Variants in CLIP2 observed in about 807,000 individuals in gnomAD.
CLIP2 encodes CAP-Gly domain containing linker protein 2.
A neutral mutation model predicts 111.7 loss-of-function variants in CLIP2; 41 were observed. The ratio of observed to expected loss-of-function variants is 0.37; its 90% CI spans 0.29 to 0.48. The LOEUF is 0.48. Among genes scored for constraint, CLIP2 ranks in the 20% least tolerant of loss-of-function variants. The probability of loss-of-function intolerance (pLI) is 0.99; values close to 1 mark genes in which losing one functional copy is unlikely to be tolerated. For synonymous variants in CLIP2, 660 were observed against 644.2 expected, an observed-to-expected ratio of 1.02 and a Z score of -0.37; for missense variants, 1,160 against 1,422.1, an observed-to-expected ratio of 0.82 and a Z score of 2.96.
chr7:74,292,421 C>G (rs1554725511), intron 1 of CLIP2, among the ~76,000 whole-genome samples: 2 of 152,210 alleles, frequency 1.3e-5, no homozygotes, highest in African/African-American at 4.8e-5. Context: ...GCATCTTGCT[C>G]TGTCGCCCAG....
At chr7:74,392,282 C>T (rs868928017) in intron 13 of CLIP2, among the ~76,000 whole-genome samples, 2 of 150,200 alleles carry the variant, frequency 1.3e-5, no homozygotes, top group Non-Finnish European at 3.0e-5. Flanking sequence ...ACCTAGGAGG[C>T]GGAGCTTGGA....
At chr7:74,314,567 A>G (rs1554728883) in intron 1 of CLIP2, among the ~76,000 whole-genome samples, 1 of 152,232 alleles carries the variant, frequency 6.6e-6, no homozygotes, top group African/African-American at 2.4e-5. Flanking sequence ...GGCTGGACAG[A>G]CAAGGGCATC....
rs1313174679 is a variant in CLIP2, at chr7:74,389,203, C to A, written c.2664C>A (p.Thr888=). ...AGCTGGAGACCGTGTCCCGGAAGAC[C>A]CATGACGCCTCGGGCCAGCTAGTCC... ...EAELETVSRK[T]HDASGQLVLI... Residue 888 remains threonine, a synonymous_variant, in exon 13 of 17, where the codon ACC becomes ACA. Transcript: ENST00000223398. 2 of 1,613,186 alleles carry A rather than the reference C, an allele frequency of 1.2e-6. No individual in the cohort carries two copies. The highest frequency in any genetic ancestry group is 1.7e-5 in the Admixed American group (1 of 59,872).
intron 9 of CLIP2, among the ~76,000 whole-genome samples, chr7:74,373,638 A>G (rs1790701113): frequency 1.3e-5 from 2 of 152,082 alleles, no homozygotes; most frequent in African/African-American, 2.4e-5. Flanking sequence ...ACGTCCTGTG[A>G]GACCCCCCAG....
At position 74,370,696 on chromosome 7, in the gene CLIP2, A is replaced by G. The variant is rs190744070; in HGVS notation, c.1381-2236A>G. Among the ~76,000 whole-genome samples, 342 of 150,858 alleles carry G rather than the reference A, an allele frequency of 2.3e-3. 3 individuals carry two copies. The highest frequency in any genetic ancestry group is 7.5e-3 in the African/African-American group (308 of 41,110). On this transcript the variant is annotated intron_variant, in intron 8 of 16. Transcript: ENST00000223398. ...GCTTTTCTCTTTCTGGAACACCACA[A>G]GCTGTGTCCTGCCTCTGAGCTTTTG...
chr7:74,323,649 A>G (rs1246920287), intron 2 of CLIP2, among the ~76,000 whole-genome samples: 7 of 151,408 alleles, frequency 4.6e-5, no homozygotes, highest in African/African-American at 1.7e-4. Flanking sequence ...CTGGTCTCCA[A>G]CTCCTGACTC....
chr7:74,353,253 CTTT>C (rs199943133), intron 3 of CLIP2, among the ~76,000 whole-genome samples: 20 of 142,744 alleles, frequency 1.4e-4, no homozygotes, highest in Non-Finnish European at 1.8e-4. Context: ...CACGAAAACC[CTTT>C]TTTTTTTTTT....
intron 15 of CLIP2, among the ~76,000 whole-genome samples, chr7:74,401,047 T>C (rs540968661): frequency 6.7e-6 from 1 of 150,270 alleles, no homozygotes; most frequent in African/African-American, 2.5e-5. Context: ...AAGGCATCTC[T>C]GTCCCGGGAA....
At chr7:74,400,100 A>G (rs1301375487) in intron 14 of CLIP2, among the ~76,000 whole-genome samples, 1 of 150,134 alleles carries the variant, frequency 6.7e-6, no homozygotes, top group Non-Finnish European at 1.5e-5. Context: ...CAGAGACCCA[A>G]GATCGCGCCA....
intron 1 of CLIP2, among the ~76,000 whole-genome samples, chr7:74,298,766 T>G (rs1477531376): frequency 6.6e-6 from 1 of 152,084 alleles, no homozygotes; most frequent in Non-Finnish European, 1.5e-5. Flanking sequence ...ACTCCTGACC[T>G]CAGGTGATTG....
intron 11 of CLIP2, among the ~76,000 whole-genome samples, chr7:74,383,404 T>C (rs543958387): frequency 2.0e-5 from 3 of 152,336 alleles, no homozygotes; most frequent in African/African-American, 7.2e-5. Context: ...GTTATTCTCT[T>C]CATGTGCCAA....
chr7:74,338,969 G>A lies in CLIP2; in HGVS notation c.643G>A (p.Gly215Ser), dbSNP rs782337934. The A allele has an allele frequency of 6.3e-7, 1 of 1,599,042 alleles. No individual in the cohort carries two copies. Among genetic ancestry groups the A allele is most frequent in the Admixed American group, 1.7e-5 (1 of 59,998 alleles). Reference sequence around the variant, plus strand: ...CTCAGACAGCGGCTCTGTGAAGCGGGGCGAAAAGGACCTGCGCCTGGGGGA... The same window carrying A: ...CTCAGACAGCGGCTCTGTGAAGCGGAGCGAAAAGGACCTGCGCCTGGGGGA... ...NLSDSGSVKRGEKDLRLGDRV... is the reference protein window; with the variant it reads ...NLSDSGSVKRSEKDLRLGDRV... Residue 215 changes from glycine to serine, a missense_variant, in exon 3 of 17, where the codon GGC becomes AGC. Gly to Ser is a moderately conservative substitution (Grantham distance 56). Transcript: ENST00000223398. The surrounding 1 kb of genome is among the most constrained non-coding windows in gnomAD (Gnocchi z 4.3).
chr7:74,290,129 C>T (rs1787972460), intron 1 of CLIP2, among the ~76,000 whole-genome samples: 1 of 152,218 alleles, frequency 6.6e-6, no homozygotes, highest in African/African-American at 2.4e-5. Context: ...CCGCAGGGCT[C>T]TCTGGGCTCA....
chr7:74,317,978 G>A (rs999581013), intron 2 of CLIP2, among the ~76,000 whole-genome samples: 1 of 152,066 alleles, frequency 6.6e-6, no homozygotes, highest in East Asian at 1.9e-4. Flanking sequence ...GATCACTGGA[G>A]GTCAAGAGTT....
In CLIP2 at chr7:74,389,192, TC is replaced by T. The variant is rs782474062; in HGVS notation, c.2656del (p.Arg886GlyfsTer10). The T allele has an allele frequency of 1.9e-6, 3 of 1,613,568 alleles. No homozygotes were observed. Among genetic ancestry groups the T allele is most frequent in the South Asian group, 2.2e-5 (2 of 91,042 alleles). ...RRLEAELETVSRKTHDASGQL... is the reference protein window; with the variant it reads ...RRLEAELETVXRKTHDASGQL... ...CCTGGAGGCAGAGCTGGAGACCGTG[TC>T]CCGGAAGACCCATGACGCCTCGGGC... On this transcript the variant is annotated frameshift_variant, in exon 13 of 17. Coordinates refer to ENST00000223398, the MANE Select transcript of CLIP2 (RefSeq NM_003388.5). LOFTEE classifies it high-confidence loss of function.
intron 1 of CLIP2, among the ~76,000 whole-genome samples, chr7:74,295,989 C>CAAAAAA (rs368834820): frequency 1.4e-5 from 1 of 70,978 alleles, no homozygotes; most frequent in Admixed American, 1.6e-4. Flanking sequence ...ACCCTGTCTC[C>CAAAAAA]AAAAAAAAAA....
intron 2 of CLIP2, among the ~76,000 whole-genome samples, chr7:74,324,463 A>G (rs1789058294): frequency 6.6e-6 from 1 of 152,070 alleles, no homozygotes; most frequent in East Asian, 1.9e-4. Flanking sequence ...TCCTAGTCAC[A>G]TTGCCCGGTG....
chr7:74,354,846 C>T (rs1790103577), intron 4 of CLIP2, among the ~76,000 whole-genome samples: 1 of 152,054 alleles, frequency 6.6e-6, no homozygotes, highest in Non-Finnish European at 1.5e-5. Context: ...ATTGGGGTCC[C>T]CTGAATGACA....
intron 2 of CLIP2, among the ~76,000 whole-genome samples, chr7:74,321,803 G>A (rs980817249): frequency 5.9e-5 from 9 of 151,512 alleles, no homozygotes; most frequent in African/African-American, 9.7e-5. Context: ...AAAAATAAGC[G>A]TGCAGTGTTT....
Sources: allele counts gnomAD v4.1 joint callset (sites outside exome capture counted in the v4.1 genomes callset), GRCh38; gene constraint gnomAD v4.1.1; non-coding constraint Gnocchi (gnomAD v3.1); transcripts MANE v1.5; gene names NCBI Gene and HGNC (gene_info 2026-07-23, HGNC 2026-07-21).